Variants in USP54 observed in about 807,000 individuals in gnomAD.
USP54 encodes ubiquitin carboxyl-terminal hydrolase 54.
Under a neutral mutation model 170.5 loss-of-function variants are expected in USP54, and 87 were observed. The observed-to-expected ratio is 0.51, with a 90% CI of 0.43 to 0.61. USP54 has a LOEUF of 0.61. Among genes scored for constraint, USP54 ranks in the 20% least tolerant of loss-of-function variants. The pLI is 0.00. For synonymous variants in USP54, 655 were observed against 742.8 expected (o/e 0.88, Z 1.92); for missense variants, 1,786 against 2,047.8 (o/e 0.87, Z 2.47).
chr10:73,499,329 C>T, intron 23 of USP54, 141 bp from the exon 24 acceptor site: 5 of 864,664 alleles, frequency 5.8e-6, no homozygotes, highest in Non-Finnish European at 8.8e-6. Context: ...TCAAGCTGTG[C>T]TTTTGATTCC....
In USP54 at chr10:73,613,970, CGAG is replaced by C. The variant is rs2080387058; in HGVS notation, c.-18+11594_-18+11596del. ...CTGTAATCCTAGCACTTTGGAAGGC[CGAG>C]GAGGACAGGTCACTTGAGGCCAGGA... On this transcript the variant is annotated intron_variant, in intron 1 of 22. Transcript: ENST00000339859. 2.0e-5 allele frequency: 3 copies of C among 151,762 alleles called. No homozygotes were observed. In the South Asian group the frequency reaches 6.2e-4, roughly 32 times the overall value. 9.4% of individuals were successfully genotyped at this position (151,762 alleles called of 1,614,324 possible).
intron 1 of USP54, among the ~76,000 whole-genome samples, chr10:73,613,518 A>G (rs1283661729): frequency 6.6e-6 from 1 of 152,072 alleles, no homozygotes; most frequent in East Asian, 1.9e-4. Flanking sequence ...TCAAAACGTC[A>G]AAATAAGAAA....
Position 73,517,131 on chromosome 10 carries a change from C to G in USP54, c.3295G>C (p.Gly1099Arg), listed in dbSNP as rs2061195407. The G allele has an allele frequency of 4.3e-6, 7 of 1,614,182 alleles. No homozygotes were observed. The East Asian group carries it at 1.6e-4, about 36-fold the overall frequency. Residue 1099 changes from glycine to arginine, a missense_variant, in exon 20 of 24, where the codon GGC becomes CGC. Physicochemically the swap from Gly to Arg is moderately radical, Grantham distance 125. Transcript: ENST00000687698. The stretch of plus-strand genomic sequence containing the variant: ...GTCAATGAAGTTTTGAGGCTTTGGC[C>G]TTGGAGGCATTGGTTAGTTTTCTGC... ...PVQKTNQCLQ[G>R]QSLKTSLTLK... is the part of the protein sequence containing the mutation.
At chr10:73,521,276 T>C (rs907105147) in intron 17 of USP54, among the ~76,000 whole-genome samples, 3 of 152,156 alleles carry the variant, frequency 2.0e-5, no homozygotes, top group East Asian at 3.9e-4. Flanking sequence ...CCAAGACCCT[T>C]AGGAAGTCCC....
intron 4 of USP54, among the ~76,000 whole-genome samples, chr10:73,554,700 T>A (rs981857301): frequency 6.6e-6 from 1 of 152,242 alleles, no homozygotes. Flanking sequence ...CTGTGGCCAA[T>A]CTTATTTCAT....
At chr10:73,614,502 G>C (rs1197364481) in intron 1 of USP54, among the ~76,000 whole-genome samples, 1 of 144,484 alleles carries the variant, frequency 6.9e-6, no homozygotes, top group Non-Finnish European at 1.5e-5. Flanking sequence ...GGATGTTGCA[G>C]TGAGCCGAGA....
chr10:73,563,856 T>C (rs2073675397), intron 4 of USP54, among the ~76,000 whole-genome samples: 1 of 152,310 alleles, frequency 6.6e-6, no homozygotes, highest in Middle Eastern at 3.4e-3. Context: ...GCATTCTTTA[T>C]GGAGTCTTTA....
At position 73,500,697 on chromosome 10, in the gene USP54, C is replaced by A. The variant is rs1280575494; in HGVS notation, c.4453G>T (p.Val1485Phe). Residue 1485 changes from valine (V) to phenylalanine (F), a missense_variant, in exon 23 of 24, where the codon GTC becomes TTC. This residue lies in a region of USP54 where 1,418 missense variants were observed against 1,569.0 expected (regional missense o/e 0.90). Transcript: ENST00000687698. ...TCCCCTGCCATGGTGGGCATCAGGA[C>A]ATCTGGGGACAGGAACTGTGGTTGG... ...LPQPQFLSPD[V>F]LMPTMAGEPN... 5.6e-6 allele frequency: 9 copies of A among 1,606,582 alleles called. No individual in the cohort carries two copies. Among genetic ancestry groups the A allele is most frequent in the Non-Finnish European group, 7.6e-6 (9 of 1,176,624 alleles).
intron 1 of USP54, among the ~76,000 whole-genome samples, chr10:73,581,197 G>A: frequency 6.6e-6 from 1 of 152,248 alleles, no homozygotes; most frequent in East Asian, 1.9e-4. Flanking sequence ...GGACAAGGCT[G>A]GTGGATCACT....
At chr10:73,537,062 C>G (rs2065381139) in intron 10 of USP54, among the ~76,000 whole-genome samples, 1 of 152,186 alleles carries the variant, frequency 6.6e-6, no homozygotes, top group Non-Finnish European at 1.5e-5. Flanking sequence ...TCAATTCAAC[C>G]CAATCCTCAA....
chr10:73,581,396 T>C (rs2076891573), intron 1 of USP54, among the ~76,000 whole-genome samples: 1 of 152,206 alleles, frequency 6.6e-6, no homozygotes, highest in Non-Finnish European at 1.5e-5. Context: ...AACCTTTCCA[T>C]GTATGAAATG....
At chr10:73,530,964 T>C (rs980987785) in intron 12 of USP54, 129 bp from the exon 13 acceptor site, 12 of 1,305,264 alleles carry the variant, frequency 9.2e-6, no homozygotes, top group South Asian at 2.8e-5. Context: ...CTGTAGGGCA[T>C]AGGCTATCTG....
chr10:73,532,345 T>C (rs2064177010), intron 12 of USP54, among the ~76,000 whole-genome samples: 1 of 151,756 alleles, frequency 6.6e-6, no homozygotes, highest in African/African-American at 2.4e-5. Context: ...GCTAACTTTT[T>C]GTATTTTTTT....
chr10:73,575,959 G>C lies in USP54; in HGVS notation c.-179C>G, dbSNP rs541536373. The C allele has an allele frequency of 5.6e-4, 108 of 192,544 alleles. No individual in the cohort carries two copies. In the South Asian group the frequency reaches 0.011, roughly 20 times the overall value. The allele number at this position is 192,544 out of a possible 1,614,324, so 11.9% of individuals were successfully genotyped here. On this transcript the variant is annotated 5_prime_UTR_variant, in exon 2 of 24. The change creates a premature stop within an existing upstream ORF in the 5' untranslated region. Coordinates refer to ENST00000687698, the MANE Select transcript of USP54 (RefSeq NM_001391956.1). ...AGTATTGCTTCCTTCTATTTTTCTT[G>C]AACAGCCTCCATAAAGTCCTGGTGA... is the stretch of plus-strand genomic sequence containing the variant.
Position 73,519,950 on chromosome 10 carries a change from T to C in USP54, c.2525A>G (p.His842Arg). The change falls in exon 19 of 24, where the codon CAC (histidine) becomes CGC (arginine). Residue 842 changes from histidine (H) to arginine (R), a missense_variant. His to Arg is a conservative substitution (Grantham distance 29, BLOSUM62 0). Transcript: ENST00000687698. Reference protein sequence around the residue: ...LALHGASCSTHSRALVDKKLQ... With the variant: ...LALHGASCSTRSRALVDKKLQ... ...CTTCTTATCGACTAGGGCTCTGCTG[T>C]GCGTGCTACAGCTGGCACCATGCAG... The C allele has an allele frequency of 6.2e-7, 1 of 1,613,236 alleles. No homozygotes were observed. The highest frequency in any genetic ancestry group is 8.5e-7 in the Non-Finnish European group (1 of 1,179,568).
intron 12 of USP54, among the ~76,000 whole-genome samples, chr10:73,533,102 C>T (rs1564727062): frequency 6.6e-6 from 1 of 152,042 alleles, no homozygotes; most frequent in East Asian, 1.9e-4. Flanking sequence ...GTCAGGAGAT[C>T]GAGACCATCC....
intron 9 of USP54, among the ~76,000 whole-genome samples, 160 bp downstream of exon 9, chr10:73,541,215 T>C (rs2066531238): frequency 6.6e-6 from 1 of 152,224 alleles, no homozygotes; most frequent in South Asian, 2.1e-4. Flanking sequence ...TATGAGCACA[T>C]ACCTGCAAGC....
At chr10:73,609,644 G>C (rs2079968005) in intron 1 of USP54, among the ~76,000 whole-genome samples, 1 of 152,068 alleles carries the variant, frequency 6.6e-6, no homozygotes, top group South Asian at 2.1e-4. Flanking sequence ...AGGAGATCGA[G>C]ACCATGCTGG....
intron 1 of USP54, among the ~76,000 whole-genome samples, chr10:73,620,482 CTT>C (rs770755452): frequency 4.0e-5 from 5 of 126,150 alleles, no homozygotes; most frequent in Non-Finnish European, 5.0e-5. Context: ...TCTGGGGATT[CTT>C]TTTTTTTTTT....
Sources: gnomAD v4.1 joint callset for allele counts (sites outside exome capture counted in the v4.1 genomes callset) on GRCh38, gnomAD v4.1.1 for gene constraint, gnomAD v4.1.1 regional missense constraint, MANE v1.5 for transcripts, NCBI Gene and HGNC (gene_info 2026-07-23, HGNC 2026-07-21) for gene names.